The following MYH7 variants were observed in gnomAD, a reference collection of about 807,000 sequenced individuals.
The protein encoded by MYH7 is myosin-7.
A neutral mutation model predicts 225.4 loss-of-function variants in MYH7; 129 were observed. That is an observed-to-expected ratio of 0.57 (90% CI 0.50 to 0.66). The LOEUF (loss-of-function observed/expected upper bound fraction) is 0.66, where lower values mean the gene tolerates loss of function less well. Ranked by LOEUF, MYH7 falls within the 30% of genes least tolerant of loss-of-function variation. The pLI, the probability that MYH7 is intolerant of heterozygous loss-of-function variation, is 0.00. For missense variants in MYH7, 1,649 were observed against 2,517.0 expected (o/e 0.66, Z 7.38); for synonymous variants, 971 against 1,007.6 (o/e 0.96, Z 0.69).
intron 30 of MYH7, 196 bp from the exon 31 acceptor site, chr14:23,417,882 A>C (rs1595075748): frequency 1.1e-6 from 1 of 914,550 alleles, no homozygotes; most frequent in Non-Finnish European, 1.8e-6. Flanking sequence ...GCACCCTCTG[A>C]CCCTGGCCCA....
chr14:23,419,363 C>T, intron 28 of MYH7, 68 bp from the exon 29 acceptor site: 10 of 1,612,632 alleles, frequency 6.2e-6, no homozygotes, highest in Non-Finnish European at 8.5e-6. Context: ...CCTCAGGCCC[C>T]ATTTTCTGGA....
At position 23,418,304 on chromosome 14, in the gene MYH7, G is replaced by T. The variant is rs45451303; in HGVS notation, c.4075C>A (p.Arg1359Ser). 6.2e-7 allele frequency: 1 copy of T among 1,613,680 alleles called. No individual in the cohort carries two copies. The highest frequency in any genetic ancestry group is 8.5e-7 in the Non-Finnish European group (1 of 1,180,050). The part of the protein sequence containing the change: ...EETEAKAELQ[R>S]VLSKANSEVA... ...TCCGAGTTGGCCTTGGAAAGGACGC[G>T]CTGCAGCTCGGCCTTGGCCTCCGTC... Residue 1359 changes from arginine (R) to serine (S), a missense_variant, in exon 30 of 40, where the codon CGC becomes AGC. This residue lies in a region of MYH7 where 687 missense variants were observed against 913.8 expected (regional missense o/e 0.75). Coordinates refer to ENST00000355349, the MANE Select transcript of MYH7 (RefSeq NM_000257.4).
Position 23,415,388 on chromosome 14 carries a change from A to G in MYH7, c.5276T>C (p.Ile1759Thr), listed in dbSNP as rs1299007223. ...RNAEEKAKKA[I>T]TDAAMMAEEL... is the part of the protein sequence containing the mutation. ...GTGGAGTGGGGGACTTACATCCGTGATGGCCTTCTTGGCCTTCTCCTCAGC... is the reference window on the plus strand; with the variant it reads ...GTGGAGTGGGGGACTTACATCCGTGGTGGCCTTCTTGGCCTTCTCCTCAGC... The change falls in exon 36 of 40, where the codon ATC (isoleucine) becomes ACC (threonine). Residue 1759 changes from isoleucine to threonine, a missense_variant. Physicochemically the swap from Ile to Thr is moderately conservative, Grantham distance 89. Transcript: ENST00000355349. This position sits in a 1 kb window ranked among gnomAD's most constrained non-coding sequence, Gnocchi z 6.3. The G allele has an allele frequency of 6.2e-7, 1 of 1,614,120 alleles. No individual in the cohort carries two copies. Among genetic ancestry groups the G allele is most frequent in the South Asian group, 1.1e-5 (1 of 91,078 alleles).
intron 27 of MYH7, 65 bp from the exon 28 acceptor site, chr14:23,419,674 G>A (rs1265785797): frequency 1.9e-6 from 3 of 1,613,274 alleles, no homozygotes; most frequent in Non-Finnish European, 2.5e-6. Context: ...GGTGTAAGAG[G>A]TGCAACTGAA....
intron 37 of MYH7, among the ~76,000 whole-genome samples, chr14:23,414,707 G>T (rs1220080909): frequency 6.6e-6 from 1 of 152,138 alleles, no homozygotes; most frequent in East Asian, 1.9e-4. Context: ...CTACATATTT[G>T]CTTTCTGGTG....
At chr14:23,420,909 C>A (rs773520031) in intron 26 of MYH7, 49 bp downstream of exon 26, 2 of 1,463,562 alleles carry the variant, frequency 1.4e-6, no homozygotes, top group South Asian at 2.3e-5. Flanking sequence ...GCAGGGGAAA[C>A]AGAACCAGCC....
At position 23,421,100 on chromosome 14, in the gene MYH7, G is replaced by C. The variant is rs150379625; in HGVS notation, c.3246-52C>G. 1.3e-5 allele frequency: 17 copies of C among 1,357,224 alleles called. No homozygotes were observed. In the African/African-American group the frequency reaches 1.9e-4, roughly 15 times the overall value. The allele number at this position is 1,357,224 out of a possible 1,614,324, so 84.1% of individuals were successfully genotyped here. ...AAGGGAGACTCGTGGGGCCTCAGGA[G>C]GGTCCACCAGTGGTTGAAAATGGTA... On this transcript the variant is annotated intron_variant, in intron 25 of 39. Coordinates refer to ENST00000355349, the MANE Select transcript of MYH7 (RefSeq NM_000257.4).
Position 23,413,740 on chromosome 14 carries a change from G to C in MYH7, c.5790+19C>G. 1 of 1,613,466 alleles carries C rather than the reference G, an allele frequency of 6.2e-7. No individual in the cohort carries two copies. Among genetic ancestry groups the C allele is most frequent in the Non-Finnish European group, 8.5e-7 (1 of 1,180,038 alleles). On this transcript the variant is annotated intron_variant, in intron 39 of 39. Coordinates refer to ENST00000355349, the MANE Select transcript of MYH7 (RefSeq NM_000257.4). ...GCCTGCTGTGGGGGTGACTAGCAAA[G>C]CCCAAAAGAGGGACCCACCTTCGTG...
Position 23,433,549 on chromosome 14 carries a change from C to T in MYH7, c.184G>A (p.Glu62Lys), listed in dbSNP as rs727504416. ...VSREGGKVTAETEYGKTVTVK... is the reference protein window; with the variant it reads ...VSREGGKVTAKTEYGKTVTVK... Reference sequence around the variant, plus strand: ...ACACCCACCTTGCCATACTCGGTCTCGGCAGTGACTTTGCCACCCTCTCGA... The same window carrying T: ...ACACCCACCTTGCCATACTCGGTCTTGGCAGTGACTTTGCCACCCTCTCGA... The change falls in exon 3 of 40, where the codon GAG becomes AAG. Residue 62 changes from glutamate to lysine, a missense_variant. Physicochemically the swap from Glu to Lys is moderately conservative, Grantham distance 56 (BLOSUM62 1). Transcript: ENST00000355349. This position sits in a 1 kb window ranked among gnomAD's most constrained non-coding sequence, Gnocchi z 4.1. 4.3e-6 allele frequency: 7 copies of T among 1,614,112 alleles called. No homozygotes were observed. The highest frequency in any genetic ancestry group is 2.2e-5 in the East Asian group (1 of 44,878).
At chr14:23,432,937 A>C (rs981012067) in intron 4 of MYH7, 142 bp from the exon 5 acceptor site, 2 of 1,494,872 alleles carry the variant, frequency 1.3e-6, no homozygotes, top group Non-Finnish European at 1.8e-6. Flanking sequence ...GCCAGTCCCC[A>C]GAGTGTTGGA....
At chr14:23,424,508 G>C (rs1351349263) in intron 22 of MYH7, among the ~76,000 whole-genome samples, 2 of 152,196 alleles carry the variant, frequency 1.3e-5, no homozygotes, top group Non-Finnish European at 2.9e-5. Flanking sequence ...GATGATGCAT[G>C]GTCTGCCCAA....
Position 23,428,497 on chromosome 14 carries a change from C to T in MYH7, c.1578+3G>A. 1 of 1,614,194 alleles carries T rather than the reference C, an allele frequency of 6.2e-7. No homozygotes were observed. On this transcript the variant is annotated splice_donor_region_variant and intron_variant, in intron 15 of 39. Coordinates refer to ENST00000355349, the MANE Select transcript of MYH7 (RefSeq NM_000257.4). ...AATTCAGGTGGTAAGGCCAAAGAGG[C>T]ACCTTCTCGATGAGGTCAATGCAGG...
chr14:23,430,880 C>T (rs764014281), intron 10 of MYH7, 21 bp downstream of exon 10: 5 of 1,576,762 alleles, frequency 3.2e-6, no homozygotes, highest in South Asian at 1.1e-5. Flanking sequence ...TAGTTGGTCT[C>T]AGTCGGTGGC....
At chr14:23,417,839 G>C (rs1314736518) in intron 30 of MYH7, 153 bp from the exon 31 acceptor site, 1 of 1,124,770 alleles carries the variant, frequency 8.9e-7, no homozygotes. Context: ...GAGAACATCA[G>C]GCAGAGGATC....
At position 23,412,847 on chromosome 14, in the gene MYH7, G is replaced by A. The variant is rs1595069618; in HGVS notation, c.*7C>T. ...TCCAGGGCTGAGCAGATCAAGATGT[G>A]GCAAAGCTACTCCTCATTCAAGCCC... On this transcript the variant is annotated 3_prime_UTR_variant, in exon 40 of 40. Coordinates refer to ENST00000355349, the MANE Select transcript of MYH7 (RefSeq NM_000257.4). The A allele has an allele frequency of 6.2e-7, 1 of 1,614,066 alleles. No individual in the cohort carries two copies. The highest frequency in any genetic ancestry group is 8.5e-7 in the Non-Finnish European group (1 of 1,179,976).
Position 23,429,256 on chromosome 14 carries a change from G to A in MYH7, c.1230C>T (p.Tyr410=), listed in dbSNP as rs150885220. The change falls in exon 13 of 40, where the codon TAC becomes TAT. Residue 410 remains tyrosine (Y), a synonymous_variant. Transcript: ENST00000355349. Reference sequence around the variant, plus strand: ...GCTGGACATTCTGCCCCTTGGTGACGTACTCATTGCCCACTTTCACCCGAG... The same window carrying A: ...GCTGGACATTCTGCCCCTTGGTGACATACTCATTGCCCACTTTCACCCGAG... The part of the protein sequence containing the change: ...CHPRVKVGNE[Y]VTKGQNVQQV... 1.9e-4 allele frequency: 307 copies of A among 1,614,206 alleles called. 2 individuals carry two copies. Among genetic ancestry groups the A allele is most frequent in the Admixed American group, 1.2e-4 (7 of 60,016 alleles).
At chr14:23,416,799 G>A in intron 33 of MYH7, 69 bp downstream of exon 33, 6 of 1,610,570 alleles carry the variant, frequency 3.7e-6, no homozygotes, top group South Asian at 1.1e-5. Flanking sequence ...GACAAAGCGG[G>A]GGATGAGAAC....
rs7157087 is a variant in MYH7 at position 23,423,741 on chromosome 14, C to T, written c.2923-18G>A. 8.7e-3 allele frequency: 13,963 copies of T among 1,613,972 alleles called. 972 individuals carry two copies. The African/African-American group carries it at 0.16, about 18-fold the overall frequency. ...TTTTTCACCTGCCGACCAAGAATCC[C>T]ATCTCCTTTAGGGTCAAAGGTCACC... On this transcript the variant is annotated intron_variant, in intron 23 of 39. Transcript: ENST00000355349.
At chr14:23,422,057 T>G in intron 25 of MYH7, 123 bp downstream of exon 25, 65 of 1,428,924 alleles carry the variant, frequency 4.5e-5, no homozygotes, top group Non-Finnish European at 5.5e-5. Flanking sequence ...CCTTTTCCCA[T>G]GGTTTGCGCC....
Sources: gnomAD v4.1 joint callset for allele counts (sites outside exome capture counted in the v4.1 genomes callset) on GRCh38, gnomAD v4.1.1 for gene constraint, gnomAD v4.1.1 regional missense constraint, Gnocchi (gnomAD v3.1) non-coding constraint, MANE v1.5 for transcripts, NCBI Gene and HGNC (gene_info 2026-07-23, HGNC 2026-07-21) for gene names.